ERBIN: variants seen among roughly 807,000 people sequenced by gnomAD.
The protein encoded by ERBIN is erbb2 interacting protein.
Under a neutral mutation model 158.4 loss-of-function variants are expected in ERBIN, and 60 were observed. The ratio of observed to expected loss-of-function variants is 0.38; its 90% CI spans 0.31 to 0.47. The LOEUF is 0.47. Ranked by LOEUF, ERBIN falls within the 20% of genes least tolerant of loss-of-function variation. ERBIN has a pLI of 0.99. For synonymous variants in ERBIN, 594 were observed against 557.2 expected (o/e 1.07, Z -0.93); for missense variants, 1,610 against 1,648.0 (o/e 0.98, Z 0.40).
In ERBIN at chr5:66,021,337, G is replaced by A. The variant is rs1436715433; in HGVS notation, c.549G>A (p.Leu183=). The part of the protein sequence containing the change: ...LKMLPKTMNR[L]TQLERLDLGS... ...TTATGAACAGAACTATGAATAGACT[G>A]ACCCAGCTGGAAAGACTGGATTTGG... The change falls in exon 8 of 26, where the codon CTG becomes CTA. Residue 183 remains leucine (L), a synonymous_variant. Coordinates refer to ENST00000284037, the MANE Select transcript of ERBIN (RefSeq NM_001253697.2). 6.2e-7 allele frequency: 1 copy of A among 1,602,204 alleles called. No individual in the cohort carries two copies. Among genetic ancestry groups the A allele is most frequent in the East Asian group, 2.2e-5 (1 of 44,532 alleles).
At chr5:66,046,652 T>C in intron 18 of ERBIN, 114 bp downstream of exon 18, 1 of 837,482 alleles carries the variant, frequency 1.2e-6, no homozygotes, top group Non-Finnish European at 1.7e-6. Context: ...GCATTCATCA[T>C]TGAGAAATTT....
At chr5:66,076,833 T>C (rs1396790510) in intron 24 of ERBIN, 42 bp from the exon 25 acceptor site, 8 of 1,420,700 alleles carry the variant, frequency 5.6e-6, no homozygotes, top group Non-Finnish European at 5.9e-6. Context: ...CTGTTATTTA[T>C]ACATACTGTT....
At position 66,076,947 on chromosome 5, in the gene ERBIN, C is replaced by G; in HGVS notation, c.4129C>G (p.Gln1377Glu). ...KLLQPGDKII[Q>E]ANGYSFINIE... ...ACTGCAGCCAGGTGATAAAATTATTCAGGTAATTAAAATAAATCTTTTTTT... is the reference window on the plus strand; with the variant it reads ...ACTGCAGCCAGGTGATAAAATTATTGAGGTAATTAAAATAAATCTTTTTTT... Residue 1377 changes from glutamine (Q) to glutamate (E), a missense_variant and splice_region_variant, in exon 25 of 26, where the codon CAG becomes GAG. Gln to Glu is a conservative substitution (Grantham distance 29). Coordinates refer to ENST00000284037, the MANE Select transcript of ERBIN (RefSeq NM_001253697.2). 6.3e-7 allele frequency: 1 copy of G among 1,582,132 alleles called. No individual in the cohort carries two copies. The highest frequency in any genetic ancestry group is 8.7e-7 in the Non-Finnish European group (1 of 1,155,970).
intron 1 of ERBIN, among the ~76,000 whole-genome samples, chr5:65,969,140 A>G (rs1184804739): frequency 6.6e-6 from 1 of 152,216 alleles, no homozygotes; most frequent in Non-Finnish European, 1.5e-5. Flanking sequence ...CAAAAAGAAA[A>G]AAATGCTAAT....
chr5:66,066,968 C>T (rs1018019355), intron 21 of ERBIN, among the ~76,000 whole-genome samples: 4 of 152,156 alleles, frequency 2.6e-5, no homozygotes, highest in Admixed American at 6.5e-5. Context: ...TTGGAGATGA[C>T]AGAGAAAGCT....
chr5:66,045,603 G>A (rs1758356431), intron 17 of ERBIN, among the ~76,000 whole-genome samples: 1 of 152,148 alleles, frequency 6.6e-6, no homozygotes, highest in Admixed American at 6.5e-5. Flanking sequence ...GTTGTTAAGT[G>A]CCACGTGACT....
intron 7 of ERBIN, among the ~76,000 whole-genome samples, chr5:66,016,187 A>G (rs906364927): frequency 2.0e-5 from 3 of 152,218 alleles, no homozygotes; most frequent in African/African-American, 7.2e-5. Context: ...CAAATTATCC[A>G]TATTAAAATT....
At chr5:65,964,096 GC>G (rs770620484) in intron 1 of ERBIN, among the ~76,000 whole-genome samples, 2 of 152,142 alleles carry the variant, frequency 1.3e-5, no homozygotes, top group African/African-American at 2.4e-5. Context: ...ACTGCGCCTG[GC>G]CGGTGTGACT....
chr5:66,025,221 A>G (rs1232301219), intron 10 of ERBIN: 1 of 421,348 alleles, frequency 2.4e-6, no homozygotes, highest in African/African-American at 2.1e-5. Flanking sequence ...AACGAAGACA[A>G]AAAAGTTCCT....
At chr5:65,959,474 A>G (rs1747675613) in intron 1 of ERBIN, among the ~76,000 whole-genome samples, 1 of 152,228 alleles carries the variant, frequency 6.6e-6, no homozygotes, top group Admixed American at 6.5e-5. Context: ...AGCTTTGGTC[A>G]TCTTACACAA....
At chr5:66,042,314 T>A (rs1269493745) in intron 15 of ERBIN, among the ~76,000 whole-genome samples, 1 of 152,112 alleles carries the variant, frequency 6.6e-6, no homozygotes, top group Non-Finnish European at 1.5e-5. Context: ...GCCTTATGTA[T>A]TTTTTAGATG....
intron 1 of ERBIN, among the ~76,000 whole-genome samples, chr5:65,976,535 T>A (rs1243391291): frequency 3.7e-4 from 55 of 149,502 alleles, no homozygotes; most frequent in African/African-American, 1.1e-3. Context: ...TTTTTTTTTT[T>A]ATTGATCATT....
chr5:66,014,063 C>G (rs1754474013), intron 6 of ERBIN, among the ~76,000 whole-genome samples: 1 of 152,088 alleles, frequency 6.6e-6, no homozygotes, highest in South Asian at 2.1e-4. Flanking sequence ...ATTTTTTAAA[C>G]AAACAGATGA....
In ERBIN at chr5:65,977,913, A is replaced by G. The variant is rs939095889; in HGVS notation, c.-57-10722A>G. Among the ~76,000 whole-genome samples the G allele has an allele frequency of 2.0e-4, 30 of 147,390 alleles. 1 individual carries two copies. In the South Asian group the frequency reaches 3.2e-3, roughly 16 times the overall value. ...ACTCCGTCTGCAATCCCGGCACCTC[A>G]GGAGGCCGAGGCTGGCGGATCACTC... On this transcript the variant is annotated intron_variant, in intron 1 of 25. Coordinates refer to ENST00000284037, the MANE Select transcript of ERBIN (RefSeq NM_001253697.2).
In ERBIN at chr5:66,046,377, A is replaced by G. The variant is rs1257803059; in HGVS notation, c.1627A>G (p.Lys543Glu). ...GACCTCAGAAAGTACTACTACAGTAAAAAGCAAAGTTGATGAAAGAGAAAA... is the reference window on the plus strand; with the variant it reads ...GACCTCAGAAAGTACTACTACAGTAGAAAGCAAAGTTGATGAAAGAGAAAA... Reference protein sequence around the residue: ...VKTSESTTTVKSKVDEREKYM... With the variant: ...VKTSESTTTVESKVDEREKYM... Residue 543 changes from lysine (K) to glutamate (E), a missense_variant, in exon 18 of 26, where the codon AAA (lysine) becomes GAA (glutamate). Transcript: ENST00000284037. 6.3e-7 allele frequency: 1 copy of G among 1,593,028 alleles called. No homozygotes were observed. The highest frequency in any genetic ancestry group is 2.2e-5 in the East Asian group (1 of 44,726).
chr5:65,992,636 A>G, intron 2 of ERBIN, 74 bp from the exon 3 acceptor site: 1 of 1,101,128 alleles, frequency 9.1e-7, no homozygotes. Flanking sequence ...GAATTGTGAT[A>G]GATTGGAATG....
chr5:66,044,423 A>T, intron 17 of ERBIN, 113 bp downstream of exon 17: 3 of 998,184 alleles, frequency 3.0e-6, no homozygotes, highest in Non-Finnish European at 4.3e-6. Context: ...TGCACCACAG[A>T]ATGATATTTC....
intron 6 of ERBIN, among the ~76,000 whole-genome samples, chr5:66,013,907 TACTG>T (rs1425988491): frequency 6.6e-6 from 1 of 152,198 alleles, no homozygotes; most frequent in Non-Finnish European, 1.5e-5. Flanking sequence ...ATGCTTGAGA[TACTG>T]AATGCTATAT....
intron 14 of ERBIN, among the ~76,000 whole-genome samples, chr5:66,032,676 C>G (rs1240700389): frequency 6.6e-6 from 1 of 152,048 alleles, no homozygotes; most frequent in Non-Finnish European, 1.5e-5. Context: ...TAGTGCCAAG[C>G]ATGAAGGTAG....
Sources: allele counts gnomAD v4.1 joint callset (sites outside exome capture counted in the v4.1 genomes callset), GRCh38; gene constraint gnomAD v4.1.1; transcripts MANE v1.5; gene names NCBI Gene and HGNC (gene_info 2026-07-23, HGNC 2026-07-21).